The following STAU2 variants were observed in gnomAD, a reference collection of about 807,000 sequenced individuals.
STAU2 encodes staufen double-stranded RNA binding protein 2, also known as double-stranded RNA-binding protein Staufen homolog 2.
A neutral mutation model predicts 65.9 loss-of-function variants in STAU2; 20 were observed. The ratio of observed to expected loss-of-function variants is 0.30; its 90% CI spans 0.21 to 0.44. STAU2 has a LOEUF of 0.44. STAU2 is among the 20% of genes least tolerant of loss of function. The probability of loss-of-function intolerance (pLI) is 1.00; values close to 1 mark genes in which losing one functional copy is unlikely to be tolerated. For missense variants in STAU2, 558 were observed against 683.9 expected, an observed-to-expected ratio of 0.82 and a Z score of 2.05; for synonymous variants, 232 against 233.9, an observed-to-expected ratio of 0.99 and a Z score of 0.07.
chr8:73,732,514 G>A (rs948385491), intron 3 of STAU2: 4 of 152,074 alleles, frequency 2.6e-5, no homozygotes, highest in African/African-American at 9.7e-5. Context: ...ACCAGCATAG[G>A]GGAAAGTAGA....
At chr8:73,468,224 A>G (rs970886120) in intron 13 of STAU2, among the ~76,000 whole-genome samples, 1 of 152,262 alleles carries the variant, frequency 6.6e-6, no homozygotes, top group Non-Finnish European at 1.5e-5. Context: ...CCTATTCAAC[A>G]AATGGTGCTG....
At chr8:73,484,166 A>G (rs1031806496) in intron 13 of STAU2, among the ~76,000 whole-genome samples, 14 of 152,142 alleles carry the variant, frequency 9.2e-5, no homozygotes, top group African/African-American at 2.9e-4. Context: ...CCCCTTGGAT[A>G]TTGCTAATAA....
chr8:73,658,403 C>T (rs1425294434), intron 6 of STAU2, among the ~76,000 whole-genome samples: 1 of 151,994 alleles, frequency 6.6e-6, no homozygotes, highest in Non-Finnish European at 1.5e-5. Context: ...AAGTTCACCA[C>T]CATTTATCAC....
chr8:73,531,135 T>C (rs1805781426), intron 13 of STAU2, among the ~76,000 whole-genome samples: 1 of 152,180 alleles, frequency 6.6e-6, no homozygotes, highest in Admixed American at 6.5e-5. Flanking sequence ...CAATCTCAAA[T>C]ACATATGCTT....
intron 13 of STAU2, among the ~76,000 whole-genome samples, chr8:73,516,856 A>T (rs1822756367): frequency 6.6e-6 from 1 of 152,186 alleles, no homozygotes; most frequent in South Asian, 2.1e-4. Flanking sequence ...TCATCACTTT[A>T]AAAAAGTCTA....
At chr8:73,515,361 G>T (rs1056827434) in intron 13 of STAU2, among the ~76,000 whole-genome samples, 1 of 152,116 alleles carries the variant, frequency 6.6e-6, no homozygotes, top group African/African-American at 2.4e-5. Flanking sequence ...CCTGAATGTC[G>T]GTTCTGCCAG....
intron 6 of STAU2, among the ~76,000 whole-genome samples, chr8:73,654,738 G>C (rs1816210235): frequency 7.6e-6 from 1 of 131,872 alleles, no homozygotes; most frequent in East Asian, 2.3e-4. Flanking sequence ...CCAGGCTGGA[G>C]TGCAGTGGCA....
At chr8:73,634,565 A>G (rs1342135659) in intron 6 of STAU2, among the ~76,000 whole-genome samples, 1 of 152,204 alleles carries the variant, frequency 6.6e-6, no homozygotes, top group Non-Finnish European at 1.5e-5. Flanking sequence ...TTGGTTTTGC[A>G]TTTCATTCAT....
At chr8:73,619,185 C>G (rs1813050102) in intron 6 of STAU2, among the ~76,000 whole-genome samples, 1 of 152,036 alleles carries the variant, frequency 6.6e-6, no homozygotes, top group Admixed American at 6.6e-5. Flanking sequence ...AAAAGCCAAG[C>G]AAGCACGATG....
intron 6 of STAU2, among the ~76,000 whole-genome samples, chr8:73,648,376 A>G (rs1226648796): frequency 1.3e-5 from 2 of 152,244 alleles, no homozygotes; most frequent in Non-Finnish European, 2.9e-5. Context: ...AAATAGATTT[A>G]TAATCCAATT....
chr8:73,487,748 G>C (rs1172456575), intron 13 of STAU2, among the ~76,000 whole-genome samples: 1 of 152,000 alleles, frequency 6.6e-6, no homozygotes, highest in Non-Finnish European at 1.5e-5. Flanking sequence ...GGACAAATTA[G>C]CTTAATACAG....
At chr8:73,536,596 A>G (rs116754143) in intron 13 of STAU2, among the ~76,000 whole-genome samples, 1 of 152,132 alleles carries the variant, frequency 6.6e-6, no homozygotes, top group African/African-American at 2.4e-5. Context: ...GGGAGTTAGG[A>G]TTTTCATCCC....
At chr8:73,567,954 A>G (rs1808745442) in intron 12 of STAU2, among the ~76,000 whole-genome samples, 1 of 152,164 alleles carries the variant, frequency 6.6e-6, no homozygotes, top group African/African-American at 2.4e-5. Flanking sequence ...ATCATCAATA[A>G]TACCAAAAAG....
chr8:73,517,490 A>T (rs944362738), intron 13 of STAU2, among the ~76,000 whole-genome samples: 1 of 152,164 alleles, frequency 6.6e-6, no homozygotes, highest in Non-Finnish European at 1.5e-5. Context: ...CCAAAACTGA[A>T]CAAAACTTAC....
intron 6 of STAU2, among the ~76,000 whole-genome samples, chr8:73,619,668 G>T (rs1813086850): frequency 6.6e-6 from 1 of 152,196 alleles, no homozygotes; most frequent in Non-Finnish European, 1.5e-5. Flanking sequence ...TAAGCACCTG[G>T]AAAGGGTAAG....
intron 5 of STAU2, among the ~76,000 whole-genome samples, chr8:73,678,124 C>G (rs946519529): frequency 7.9e-5 from 12 of 152,140 alleles, no homozygotes; most frequent in Admixed American, 5.9e-4. Context: ...TCTTTCTTCA[C>G]CCATAAACTA....
In STAU2 at chr8:73,637,477, T is replaced by TAAAAAAAAAA. The variant is rs60833468; in HGVS notation, c.411-20036_411-20027dup. On this transcript the variant is annotated intron_variant, in intron 6 of 14. Transcript: ENST00000524300. ...TAAAGTCTTTATAAAGTGCTGAAAG[T>TAAAAAAAAAA]AAAAAAAAAAAAAAAAAAAAAAAAA... Among the ~76,000 whole-genome samples the TAAAAAAAAAA allele has an allele frequency of 5.2e-3, 295 of 57,114 alleles. 2 individuals carry two copies. The highest frequency in any genetic ancestry group is 6.4e-3 in the East Asian group (10 of 1,562). 37.5% of individuals were successfully genotyped at this position (57,114 alleles called of 152,430 possible). A position where few individuals can be genotyped will look rare whatever the true frequency, so the allele number is the denominator to read the frequency against.
chr8:73,688,946 G>A, intron 4 of STAU2, 133 bp from the exon 5 acceptor site: 2 of 1,025,740 alleles, frequency 1.9e-6, no homozygotes, highest in Middle Eastern at 3.2e-4. Flanking sequence ...CAGATCATCT[G>A]CAACAAAATC....
chr8:73,442,818 C>T (rs939600784), intron 13 of STAU2, among the ~76,000 whole-genome samples: 1 of 152,138 alleles, frequency 6.6e-6, no homozygotes, highest in Non-Finnish European at 1.5e-5. Context: ...ATATGTATTA[C>T]GAGACAGAGA....
Sources: gnomAD v4.1 joint callset for allele counts (sites outside exome capture counted in the v4.1 genomes callset) on GRCh38, gnomAD v4.1.1 for gene constraint, MANE v1.5 for transcripts, NCBI Gene and HGNC (gene_info 2026-07-23, HGNC 2026-07-21) for gene names.